URB1: variants seen among roughly 807,000 people sequenced by gnomAD.
The protein encoded by URB1 is nucleolar pre-ribosomal-associated protein 1.
URB1 carries 197 observed loss-of-function variants against 242.3 expected under a neutral mutation model. The observed-to-expected ratio is 0.81, with a 90% confidence interval of 0.72 to 0.91. The LOEUF is 0.91. URB1 is among the 40% of genes least tolerant of loss of function. The pLI, the probability that URB1 is intolerant of heterozygous loss-of-function variation, is 0.00. For synonymous variants in URB1, 1,153 were observed against 1,201.8 expected, an observed-to-expected ratio of 0.96 and a Z score of 0.84; for missense variants, 2,721 against 2,860.5, an observed-to-expected ratio of 0.95 and a Z score of 1.11.
intron 10 of URB1, among the ~76,000 whole-genome samples, chr21:32,364,261 T>G (rs2033321057): frequency 6.6e-6 from 1 of 152,092 alleles, no homozygotes; most frequent in Admixed American, 6.6e-5. Context: ...CTAGTCACAG[T>G]GTGTTCTGGG....
chr21:32,370,917 G>T (rs2033399541), intron 8 of URB1, among the ~76,000 whole-genome samples: 1 of 152,192 alleles, frequency 6.6e-6, no homozygotes, highest in Non-Finnish European at 1.5e-5. Flanking sequence ...CTATGTGCCA[G>T]GCACTGTCCT....
chr21:32,357,136 T>C (rs1028174804), intron 15 of URB1, among the ~76,000 whole-genome samples: 8 of 152,210 alleles, frequency 5.3e-5, no homozygotes, highest in Admixed American at 4.6e-4. Context: ...GGAAATAAAT[T>C]CCTATTCTCT....
chr21:32,358,564 G>T (rs1601144004), intron 14 of URB1, among the ~76,000 whole-genome samples: 1 of 152,288 alleles, frequency 6.6e-6, no homozygotes, highest in South Asian at 2.1e-4. Flanking sequence ...TGGCAATGAG[G>T]ACAACCCTGA....
chr21:32,358,496 T>TG (rs2033249109), intron 14 of URB1, among the ~76,000 whole-genome samples: 1 of 152,170 alleles, frequency 6.6e-6, no homozygotes, highest in Non-Finnish European at 1.5e-5. Flanking sequence ...AACAAGTACA[T>TG]GGAGCTCCAG....
chr21:32,342,658 G>C (rs1389419624), intron 24 of URB1, among the ~76,000 whole-genome samples: 1 of 147,510 alleles, frequency 6.8e-6, no homozygotes, highest in African/African-American at 2.5e-5. Context: ...GGAAGCACTA[G>C]TGCCAACTTG....
chr21:32,347,457 C>T lies in URB1; in HGVS notation c.3367G>A (p.Val1123Ile). Residue 1123 changes from valine (V) to isoleucine (I), a missense_variant, in exon 22 of 39, where the codon GTC becomes ATC. By Grantham distance (29) the Val-to-Ile change is conservative (BLOSUM62 3). Coordinates refer to ENST00000382751, the MANE Select transcript of URB1 (RefSeq NM_014825.3). ...PYMEGAQLRE[V>I]TLALLSLPET... ...GGCAGGCTCAGCAAGGCCAGGGTGA[C>T]CTCACGGAGCTGGGCACCCTCCATG... is the stretch of plus-strand genomic sequence containing the variant. 1 of 1,550,858 alleles carries T rather than the reference C, an allele frequency of 6.4e-7. No individual in the cohort carries two copies. Among genetic ancestry groups the T allele is most frequent in the Non-Finnish European group, 8.7e-7 (1 of 1,146,532 alleles).
At chr21:32,340,752 GGAGAGAAT>G (rs1353037724) in intron 25 of URB1, among the ~76,000 whole-genome samples, 5 of 152,078 alleles carry the variant, frequency 3.3e-5, no homozygotes, top group East Asian at 1.9e-4. Context: ...GACTATAATG[GGAGAGAAT>G]GAGAGAATGA....
At chr21:32,328,956 G>A (rs760529267) in intron 30 of URB1, among the ~76,000 whole-genome samples, 15 of 152,094 alleles carry the variant, frequency 9.9e-5, no homozygotes, top group Admixed American at 2.0e-4. Context: ...AGTTATCAAG[G>A]ATTAAAATTA....
intron 16 of URB1, 60 bp downstream of exon 16, chr21:32,355,389 C>T (rs1238703543): frequency 1.4e-6 from 2 of 1,478,956 alleles, no homozygotes; most frequent in Admixed American, 4.0e-5. Flanking sequence ...CTCGATGACG[C>T]TAAGAAGTTA....
chr21:32,316,505 A>G lies in URB1; in HGVS notation c.6595T>C (p.Ser2199Pro). ...SPFHPAMEAL[S>P]LSSLSEKDEA... ...TCCTTCTCACTCAGAGAAGACAGGG[A>G]GAGGGCTTCCATGGCCGGGTGGAAG... The change falls in exon 38 of 39, where the codon TCC becomes CCC. Residue 2199 changes from serine to proline, a missense_variant. Ser to Pro is a moderately conservative substitution (Grantham distance 74, BLOSUM62 -1). Coordinates refer to ENST00000382751, the MANE Select transcript of URB1 (RefSeq NM_014825.3). The G allele has an allele frequency of 6.5e-7, 1 of 1,545,496 alleles. No individual in the cohort carries two copies. The highest frequency in any genetic ancestry group is 8.7e-7 in the Non-Finnish European group (1 of 1,144,252).
rs1163197022 is a variant in URB1 at position 32,314,912 on chromosome 21, C to T, written c.*6G>A. 4 of 1,548,234 alleles carry T rather than the reference C, an allele frequency of 2.6e-6. No homozygotes were observed. Among genetic ancestry groups the T allele is most frequent in the Admixed American group, 3.9e-5 (2 of 50,740 alleles). On this transcript the variant is annotated 3_prime_UTR_variant, in exon 39 of 39. Transcript: ENST00000382751. ...CATCAGGGTGCAAGGTGCTGGCCGG[C>T]AGGAGTCAAGCATCTGAGGCTGCGC...
chr21:32,383,795 T>G (rs964216847), intron 3 of URB1, among the ~76,000 whole-genome samples: 4 of 152,162 alleles, frequency 2.6e-5, no homozygotes, highest in Non-Finnish European at 5.9e-5. Context: ...TTGAAGAAGA[T>G]GGACATTTCT....
intron 30 of URB1, among the ~76,000 whole-genome samples, chr21:32,328,568 C>T (rs1168955321): frequency 6.6e-6 from 1 of 152,148 alleles, no homozygotes; most frequent in Non-Finnish European, 1.5e-5. Flanking sequence ...TTAAGAGACA[C>T]CTACATAAGT....
intron 36 of URB1, 115 bp downstream of exon 36, chr21:32,319,102 A>T: frequency 9.6e-7 from 1 of 1,045,882 alleles, no homozygotes; most frequent in Non-Finnish European, 1.3e-6. Flanking sequence ...ACAGCAGATC[A>T]CGGCCCAGCG....
In URB1 at chr21:32,349,812, G is replaced by A. The variant is rs146866457; in HGVS notation, c.2833-329C>T. 3.6e-3 allele frequency among the ~76,000 whole-genome samples: 546 copies of A among 152,290 alleles called. 3 individuals are homozygous for A. Among genetic ancestry groups the A allele is most frequent in the Middle Eastern group, 0.027 (8 of 294 alleles). ...ATTAATACACTTAAGAGGGAGGGCT[G>A]GGCCAGGCTCAGTGGCTCACGCCTG... On this transcript the variant is annotated intron_variant, in intron 20 of 38. Coordinates refer to ENST00000382751, the MANE Select transcript of URB1 (RefSeq NM_014825.3).
At position 32,337,454 on chromosome 21, in the gene URB1, C is replaced by T; in HGVS notation, c.4571G>A (p.Ser1524Asn). Residue 1524 changes from serine (S) to asparagine (N), a missense_variant, in exon 27 of 39, where the codon AGC becomes AAC. Ser to Asn is a conservative substitution (Grantham distance 46). Transcript: ENST00000382751. ...VEMCPSVCESSHFAVLLGAYG... is the reference protein window; with the variant it reads ...VEMCPSVCESNHFAVLLGAYG... ...GGCCCCGAGAAGCACTGCAAAGTGG[C>T]TGCTCTCACAGACAGAGGGGCACAT... The T allele has an allele frequency of 6.4e-7, 1 of 1,550,776 alleles. No individual in the cohort carries two copies. The highest frequency in any genetic ancestry group is 8.7e-7 in the Non-Finnish European group (1 of 1,146,332).
At chr21:32,384,870 A>G (rs1352504241) in intron 2 of URB1, among the ~76,000 whole-genome samples, 2 of 152,168 alleles carry the variant, frequency 1.3e-5, no homozygotes, top group Non-Finnish European at 2.9e-5. Flanking sequence ...AGTCCCAGCT[A>G]CTTGGGAGGC....
rs1306670276 is a variant in URB1 at position 32,317,659 on chromosome 21, T to C, written c.6034+17A>G. ...CATGTTGGCTACTCTGGGCCAGTCCTGGGTTCTGACACTCACTCATGAGCT... is the reference window on the plus strand; with the variant it reads ...CATGTTGGCTACTCTGGGCCAGTCCCGGGTTCTGACACTCACTCATGAGCT... On this transcript the variant is annotated intron_variant, in intron 37 of 38. Transcript: ENST00000382751. 1.3e-6 allele frequency: 2 copies of C among 1,551,074 alleles called. No homozygotes were observed. Among genetic ancestry groups the C allele is most frequent in the African/African-American group, 2.7e-5 (2 of 73,026 alleles).
chr21:32,320,533 G>C lies in URB1; in HGVS notation c.5592C>G (p.Ser1864Arg). The change falls in exon 35 of 39, where the codon AGC (serine) becomes AGG (arginine). Residue 1864 changes from serine (S) to arginine (R), a missense_variant and splice_region_variant. Transcript: ENST00000382751. ...CCTCGCATGCAAAAGGTACTTACTT[G>C]CTTTCAAGGATGTGTAAAATCCATG... Reference protein sequence around the residue: ...LLTWILHILESKFLETPLLSN... With the variant: ...LLTWILHILERKFLETPLLSN... 6.5e-7 allele frequency: 1 copy of C among 1,549,476 alleles called. No homozygotes were observed. The highest frequency in any genetic ancestry group is 8.7e-7 in the Non-Finnish European group (1 of 1,145,176).
Sources: allele counts gnomAD v4.1 joint callset (sites outside exome capture counted in the v4.1 genomes callset), GRCh38; gene constraint gnomAD v4.1.1; transcripts MANE v1.5; gene names NCBI Gene and HGNC (gene_info 2026-07-23, HGNC 2026-07-21).